Variants in MARCHF8 observed in about 807,000 individuals in gnomAD.
MARCHF8 encodes the protein E3 ubiquitin-protein ligase MARCHF8.
Under a neutral mutation model 51.6 loss-of-function variants are expected in MARCHF8, and 40 were observed. That is an observed-to-expected ratio of 0.77 (90% CI 0.60 to 1.01). The LOEUF is 1.01. Among genes scored for constraint, MARCHF8 ranks in the 50% least tolerant of loss-of-function variants. The probability of loss-of-function intolerance (pLI) is 0.00; values close to 1 mark genes in which losing one functional copy is unlikely to be tolerated. For missense variants in MARCHF8, 685 were observed against 708.6 expected (o/e 0.97, Z 0.38); for synonymous variants, 263 against 280.3 (o/e 0.94, Z 0.62).
At chr10:45,563,993 T>C (rs1255596904) in intron 1 of MARCHF8, among the ~76,000 whole-genome samples, 2 of 152,088 alleles carry the variant, frequency 1.3e-5, no homozygotes, top group Non-Finnish European at 2.9e-5. Context: ...AAATAAAAAG[T>C]GGCTAGGCGT....
At chr10:45,511,034 ATAAAT>A (rs1246308509) in intron 2 of MARCHF8, among the ~76,000 whole-genome samples, 6 of 152,382 alleles carry the variant, frequency 3.9e-5, no homozygotes, top group East Asian at 3.9e-4. Context: ...ATATAGACTG[ATAAAT>A]TAAATGCTTT....
At chr10:45,504,157 A>G (rs982757580) in intron 2 of MARCHF8, among the ~76,000 whole-genome samples, 1 of 152,198 alleles carries the variant, frequency 6.6e-6, no homozygotes, top group African/African-American at 2.4e-5. Flanking sequence ...AAAATATACT[A>G]AGGTCTGGCC....
chr10:45,463,354 C>A lies in MARCHF8; in HGVS notation c.885G>T (p.Gly295=). The A allele has an allele frequency of 1.3e-6, 2 of 1,550,826 alleles. No individual in the cohort carries two copies. The highest frequency in any genetic ancestry group is 1.7e-6 in the Non-Finnish European group (2 of 1,147,040). ...AGCAGAAGCCCATACTCCCTGCCAG[C>A]CCGCTGGAGGACTTGGCAGTGTGCA... is the stretch of plus-strand genomic sequence containing the variant. ...ARLHTAKSSS[G]LAGSMGFCSD... Residue 295 remains glycine (G), a synonymous_variant, in exon 5 of 8, where the codon GGG becomes GGT. Transcript: ENST00000453424.
At chr10:45,461,157 T>G in intron 6 of MARCHF8, 74 bp downstream of exon 6, 2 of 1,218,388 alleles carry the variant, frequency 1.6e-6, no homozygotes, top group Non-Finnish European at 2.2e-6. Flanking sequence ...AGCCATGACC[T>G]CATGATCTGA....
intron 2 of MARCHF8, among the ~76,000 whole-genome samples, chr10:45,523,465 A>G (rs1397500839): frequency 6.6e-6 from 1 of 152,246 alleles, no homozygotes; most frequent in East Asian, 1.9e-4. Context: ...TCAAGGCTGC[A>G]GTGAGCTATG....
At position 45,557,283 on chromosome 10, in the gene MARCHF8, C is replaced by G. The variant is rs908410683; in HGVS notation, c.-78-23994G>C. Among the ~76,000 whole-genome samples the G allele has an allele frequency of 1.6e-4, 24 of 152,008 alleles. 1 individual carries two copies. The highest frequency in any genetic ancestry group is 3.2e-4 in the Non-Finnish European group (22 of 67,990). ...AGCTGAGATTACAGGTGTGCGCCAT[C>G]ACGCCTGGCTAACTTTTCTATTTTT... On this transcript the variant is annotated intron_variant, in intron 1 of 6. Transcript: ENST00000319836.
rs142750120 is a variant in MARCHF8 at position 45,502,965 on chromosome 10, C to T, written c.103-13548G>A. Among the ~76,000 whole-genome samples the T allele has an allele frequency of 4.0e-3, 602 of 152,148 alleles. 6 individuals carry two copies. Among genetic ancestry groups the T allele is most frequent in the African/African-American group, 0.013 (554 of 41,486 alleles). Reference sequence around the variant, plus strand: ...TAATAATAATACATTCTATGAGGGGCTCTGAAGGTATGCAATGTAGAATGT... The same window carrying T: ...TAATAATAATACATTCTATGAGGGGTTCTGAAGGTATGCAATGTAGAATGT... On this transcript the variant is annotated intron_variant, in intron 2 of 7. Coordinates refer to ENST00000453424, the MANE Select transcript of MARCHF8 (RefSeq NM_001282866.2).
In MARCHF8 at chr10:45,458,181, G is replaced by A; in HGVS notation, c.*58C>T. Reference sequence around the variant, plus strand: ...ACATAAGAAAGGTATACAATTGGCAGTAAACAATTTCCTTCAGCTCTTCAT... The same window carrying A: ...ACATAAGAAAGGTATACAATTGGCAATAAACAATTTCCTTCAGCTCTTCAT... On this transcript the variant is annotated 3_prime_UTR_variant, in exon 8 of 8. Coordinates refer to ENST00000453424, the MANE Select transcript of MARCHF8 (RefSeq NM_001282866.2). 6.6e-7 allele frequency: 1 copy of A among 1,519,504 alleles called. No individual in the cohort carries two copies. The highest frequency in any genetic ancestry group is 1.8e-4 in the Middle Eastern group (1 of 5,702). The allele number at this position is 1,519,504 out of a possible 1,614,324, so 94.1% of individuals were successfully genotyped here.
At chr10:45,492,061 G>A (rs2051153159) in intron 2 of MARCHF8, among the ~76,000 whole-genome samples, 1 of 152,156 alleles carries the variant, frequency 6.6e-6, no homozygotes, top group South Asian at 2.1e-4. Context: ...AAATAAATTT[G>A]ATAATGCAAG....
chr10:45,587,717 C>T (rs921877083), intron 1 of MARCHF8, among the ~76,000 whole-genome samples: 3 of 151,772 alleles, frequency 2.0e-5, no homozygotes, highest in Non-Finnish European at 4.4e-5. Context: ...AATATGGTAC[C>T]GACATAAGAA....
At chr10:45,526,195 C>G (rs1564502147) in intron 2 of MARCHF8, among the ~76,000 whole-genome samples, 1 of 152,008 alleles carries the variant, frequency 6.6e-6, no homozygotes, top group Non-Finnish European at 1.5e-5. Context: ...GATATTCACC[C>G]TTCAAATAGG....
chr10:45,484,044 T>C (rs2042937873), intron 3 of MARCHF8, among the ~76,000 whole-genome samples: 1 of 152,092 alleles, frequency 6.6e-6, no homozygotes, highest in Non-Finnish European at 1.5e-5. Context: ...TCAAAATAAC[T>C]AGAAGAGAGG....
chr10:45,501,650 T>C (rs887104784), intron 2 of MARCHF8, among the ~76,000 whole-genome samples: 1 of 152,038 alleles, frequency 6.6e-6, no homozygotes, highest in African/African-American at 2.4e-5. Context: ...TTAAACTTCA[T>C]CAAAATCAGA....
intron 1 of MARCHF8, among the ~76,000 whole-genome samples, chr10:45,580,626 T>C (rs1234596126): frequency 6.6e-6 from 1 of 152,244 alleles, no homozygotes; most frequent in Non-Finnish European, 1.5e-5. Context: ...AAACTGAAAC[T>C]ATATTGAATA....
At chr10:45,530,418 GA>G (rs1379111393) in intron 2 of MARCHF8, among the ~76,000 whole-genome samples, 1 of 152,182 alleles carries the variant, frequency 6.6e-6, no homozygotes, top group Non-Finnish European at 1.5e-5. Flanking sequence ...TCAGGTATAT[GA>G]AAATACTCCA....
chr10:45,467,297 A>T (rs1843002386), intron 3 of MARCHF8, among the ~76,000 whole-genome samples: 1 of 152,198 alleles, frequency 6.6e-6, no homozygotes, highest in South Asian at 2.1e-4. Flanking sequence ...AAATCTACTT[A>T]TTGTTATTTT....
intron 2 of MARCHF8, among the ~76,000 whole-genome samples, chr10:45,499,539 G>C (rs1379048826): frequency 6.6e-6 from 1 of 151,984 alleles, no homozygotes; most frequent in Non-Finnish European, 1.5e-5. Context: ...TCTTTCCCTA[G>C]GTTTTCTTTT....
At chr10:45,540,294 C>T (rs373646718), upstream of MARCHF8, among the ~76,000 whole-genome samples, 3 of 152,316 alleles carry the variant, frequency 2.0e-5, no homozygotes, top group East Asian at 3.9e-4. Flanking sequence ...TACCTGACTT[C>T]AAAGTATACC....
intron 3 of MARCHF8, among the ~76,000 whole-genome samples, chr10:45,469,601 C>T (rs984193084): frequency 6.6e-6 from 1 of 152,054 alleles, no homozygotes; most frequent in African/African-American, 2.4e-5. Flanking sequence ...CGCGGTGGCT[C>T]ACGCCTGTAA....
Sources: allele counts gnomAD v4.1 joint callset (sites outside exome capture counted in the v4.1 genomes callset), GRCh38; gene constraint gnomAD v4.1.1; transcripts MANE v1.5; gene names NCBI Gene and HGNC (gene_info 2026-07-23, HGNC 2026-07-21).